The following HMBOX1 variants were observed in gnomAD, a reference collection of about 807,000 sequenced individuals.
HMBOX1 encodes homeobox-containing protein 1.
A neutral mutation model predicts 54.5 loss-of-function variants in HMBOX1; 14 were observed. The ratio of observed to expected loss-of-function variants is 0.26; its 90% confidence interval spans 0.17 to 0.40. The LOEUF is 0.40. Among genes scored for constraint, HMBOX1 ranks in the 10% least tolerant of loss-of-function variants. HMBOX1 has a pLI of 1.00. For synonymous variants in HMBOX1, 160 were observed against 181.0 expected (o/e 0.88, Z 0.93); for missense variants, 332 against 514.4 (o/e 0.65, Z 3.43).
intron 4 of HMBOX1, among the ~76,000 whole-genome samples, chr8:29,003,552 T>TA (rs1158987680): frequency 1.3e-4 from 2 of 15,668 alleles, no homozygotes; most frequent in African/African-American, 3.7e-4. Context: ...TTTTTCTGTA[T>TA]TAAATATATA....
chr8:28,986,842 A>T (rs1830236953), intron 4 of HMBOX1, among the ~76,000 whole-genome samples: 1 of 152,158 alleles, frequency 6.6e-6, no homozygotes, highest in African/African-American at 2.4e-5. Context: ...TTTTAAACAT[A>T]ATACATGAAG....
At chr8:28,934,761 T>C (rs916745038) in intron 1 of HMBOX1, among the ~76,000 whole-genome samples, 3 of 150,878 alleles carry the variant, frequency 2.0e-5, no homozygotes, top group African/African-American at 7.3e-5. Flanking sequence ...CCATCTCTAC[T>C]AAAAATACAA....
chr8:28,976,995 C>T (rs997819213), intron 3 of HMBOX1, among the ~76,000 whole-genome samples: 6 of 152,180 alleles, frequency 3.9e-5, no homozygotes, highest in African/African-American at 1.4e-4. Flanking sequence ...AGGCGTGACC[C>T]ACCGTGCCTG....
At chr8:28,936,799 TAA>T (rs58487085) in intron 1 of HMBOX1, among the ~76,000 whole-genome samples, 32 of 128,916 alleles carry the variant, frequency 2.5e-4, no homozygotes, top group Admixed American at 4.7e-4. Flanking sequence ...ACCAGAGGGT[TAA>T]AAAAAAAAAA....
chr8:28,978,346 A>G (rs62502807), intron 3 of HMBOX1, among the ~76,000 whole-genome samples: 3,241 of 152,312 alleles, frequency 0.021, 49 homozygotes, highest in Non-Finnish European at 0.032. Flanking sequence ...ACCCCTAGAA[A>G]GAGTTTGTGC....
intron 1 of HMBOX1, among the ~76,000 whole-genome samples, chr8:28,940,537 T>C (rs1377012007): frequency 6.6e-6 from 1 of 152,236 alleles, no homozygotes; most frequent in African/African-American, 2.4e-5. Flanking sequence ...GAAATATGTA[T>C]GTTCTTTTTC....
intron 6 of HMBOX1, among the ~76,000 whole-genome samples, chr8:29,022,198 C>T (rs1801292669): frequency 6.6e-6 from 1 of 152,140 alleles, no homozygotes; most frequent in Admixed American, 6.6e-5. Context: ...GAAAGAACCA[C>T]TTGAGGCCAG....
chr8:28,996,214 TGA>T (rs1831805173), intron 4 of HMBOX1, among the ~76,000 whole-genome samples: 1 of 152,170 alleles, frequency 6.6e-6, no homozygotes, highest in Non-Finnish European at 1.5e-5. Context: ...ATTGAAGTGT[TGA>T]GTTCTTTATA....
chr8:28,973,963 A>G (rs1418572749), intron 3 of HMBOX1, among the ~76,000 whole-genome samples: 1 of 151,498 alleles, frequency 6.6e-6, no homozygotes, highest in African/African-American at 2.4e-5. Context: ...TACAGCGTGC[A>G]CCACCACCCC....
chr8:29,050,551 T>C (rs1159082733), intron 9 of HMBOX1: 1 of 153,166 alleles, frequency 6.5e-6, no homozygotes, highest in African/African-American at 2.4e-5. Context: ...CTGTAAGATG[T>C]AATTGTAAGT....
At chr8:29,020,467 T>A (rs1277562907) in intron 6 of HMBOX1, among the ~76,000 whole-genome samples, 1 of 152,206 alleles carries the variant, frequency 6.6e-6, no homozygotes, top group Non-Finnish European at 1.5e-5. Flanking sequence ...CAAGAATTAG[T>A]CACAGAATCA....
In HMBOX1 at chr8:29,014,040, G is replaced by A. The variant is rs554969124; in HGVS notation, c.698-4720G>A. Among the ~76,000 whole-genome samples the A allele has an allele frequency of 2.0e-5, 3 of 151,730 alleles. No homozygotes were observed. The East Asian group carries it at 5.8e-4, about 29-fold the overall frequency. On this transcript the variant is annotated intron_variant, in intron 5 of 9. Transcript: ENST00000287701. The stretch of plus-strand genomic sequence containing the variant: ...TGGGGGAAGATGTGAAATTACTTTT[G>A]GAGAGGTTAGTTCCTATGGATGGCG...
intron 4 of HMBOX1, among the ~76,000 whole-genome samples, chr8:28,985,748 A>G (rs753966046): frequency 6.6e-6 from 1 of 152,206 alleles, no homozygotes; most frequent in Non-Finnish European, 1.5e-5. Flanking sequence ...CTAATCAGAG[A>G]ACTTAAGATC....
chr8:28,948,212 T>G (rs1284056852), intron 1 of HMBOX1, among the ~76,000 whole-genome samples: 1 of 152,208 alleles, frequency 6.6e-6, no homozygotes, highest in Non-Finnish European at 1.5e-5. Context: ...ACTTTTTGTT[T>G]CTCCATTGTA....
rs1385300097 is a variant in HMBOX1, at chr8:29,051,885, A to G, written c.*730A>G. On this transcript the variant is annotated 3_prime_UTR_variant, in exon 10 of 10. Transcript: ENST00000287701. ...GACCATGATTAAAAACAAAGACAAAAACCAAAAGTCATTAAAAAAAAAAAA... is the reference window on the plus strand; with the variant it reads ...GACCATGATTAAAAACAAAGACAAAGACCAAAAGTCATTAAAAAAAAAAAA... 2 of 272,020 alleles carry G rather than the reference A, an allele frequency of 7.4e-6. No homozygotes were observed. Among genetic ancestry groups the G allele is most frequent in the Non-Finnish European group, 1.3e-5 (2 of 151,082 alleles). 16.9% of individuals were successfully genotyped at this position (272,020 alleles called of 1,614,324 possible).
intron 4 of HMBOX1, among the ~76,000 whole-genome samples, chr8:28,982,925 A>G (rs927342559): frequency 1.3e-5 from 2 of 152,056 alleles, no homozygotes; most frequent in African/African-American, 2.4e-5. Flanking sequence ...TGCCCAGCCT[A>G]TCTTCTACTT....
At chr8:28,997,477 A>G (rs909660283) in intron 4 of HMBOX1, among the ~76,000 whole-genome samples, 1 of 152,018 alleles carries the variant, frequency 6.6e-6, no homozygotes. Context: ...CTTTATATTT[A>G]TATATGTTGT....
chr8:29,022,012 C>T lies in HMBOX1; in HGVS notation c.851+3099C>T, dbSNP rs148660989. On this transcript the variant is annotated intron_variant, in intron 6 of 9. Coordinates refer to ENST00000287701, the MANE Select transcript of HMBOX1 (RefSeq NM_001135726.3). ...ATTGGGCTGTAGAGAAACAGACACT[C>T]TCATACGTTACTTGTAGAAATGCAA... is the stretch of plus-strand genomic sequence containing the variant. Among the ~76,000 whole-genome samples, 263 of 152,248 alleles carry T rather than the reference C, an allele frequency of 1.7e-3. 1 individual carries two copies. Among genetic ancestry groups the T allele is most frequent in the African/African-American group, 6.2e-3 (256 of 41,534 alleles).
At chr8:29,021,500 ACT>A (rs987177413) in intron 6 of HMBOX1, among the ~76,000 whole-genome samples, 4 of 152,032 alleles carry the variant, frequency 2.6e-5, no homozygotes, top group African/African-American at 9.7e-5. Context: ...AAGACCAATA[ACT>A]CTATCTTTAT....
Sources: gnomAD v4.1 joint callset for allele counts (sites outside exome capture counted in the v4.1 genomes callset) on GRCh38, gnomAD v4.1.1 for gene constraint, MANE v1.5 for transcripts, NCBI Gene and HGNC (gene_info 2026-07-23, HGNC 2026-07-21) for gene names.